PLCB1: variants seen among roughly 807,000 people sequenced by gnomAD.
PLCB1 encodes the protein phospholipase C beta 1, also known as 1-phosphatidylinositol 4,5-bisphosphate phosphodiesterase beta-1.
Under a neutral mutation model 161.8 loss-of-function variants are expected in PLCB1, and 46 were observed. That is an observed-to-expected ratio of 0.28 (90% CI 0.22 to 0.36). The LOEUF (loss-of-function observed/expected upper bound fraction) is 0.36, where lower values mean the gene tolerates loss of function less well. Ranked by LOEUF, PLCB1 falls within the 10% of genes least tolerant of loss-of-function variation. PLCB1 has a pLI of 1.00. For missense variants in PLCB1, 1,016 were observed against 1,472.5 expected (o/e 0.69, Z 5.07); for synonymous variants, 517 against 503.7 (o/e 1.03, Z -0.35).
At chr20:8,741,859 T>C (rs1375126206) in intron 23 of PLCB1, among the ~76,000 whole-genome samples, 1 of 152,252 alleles carries the variant, frequency 6.6e-6, no homozygotes, top group African/African-American at 2.4e-5. Flanking sequence ...CATGATTCCA[T>C]GCTAATTAAA....
chr20:8,595,971 G>T (rs1315860425), intron 3 of PLCB1, among the ~76,000 whole-genome samples: 2 of 116,100 alleles, frequency 1.7e-5, no homozygotes, highest in African/African-American at 6.0e-5. Context: ...TTGTAAATTT[G>T]TTTGAGTTCA....
intron 31 of PLCB1, among the ~76,000 whole-genome samples, chr20:8,828,308 CCCCATTGTAAAAGG>C (rs1985811269): frequency 1.3e-5 from 2 of 152,200 alleles, no homozygotes; most frequent in African/African-American, 2.4e-5. Flanking sequence ...TCACCATCTT[CCCCATTGTAAAAGG>C]CAAATTAAGT....
At chr20:8,880,388 C>T (rs1987930609) in intron 31 of PLCB1, among the ~76,000 whole-genome samples, 2 of 152,250 alleles carry the variant, frequency 1.3e-5, no homozygotes, top group African/African-American at 4.8e-5. Context: ...CGTAAGTCTC[C>T]ATTTGAAGAA....
intron 3 of PLCB1, among the ~76,000 whole-genome samples, chr20:8,619,351 G>A (rs1024616870): frequency 4.0e-5 from 6 of 151,888 alleles, no homozygotes; most frequent in Admixed American, 1.3e-4. Context: ...TCCGGGAGGC[G>A]GAGGTTGCAG....
At chr20:8,811,632 A>G (rs1984827137) in intron 31 of PLCB1, among the ~76,000 whole-genome samples, 1 of 152,240 alleles carries the variant, frequency 6.6e-6, no homozygotes, top group Non-Finnish European at 1.5e-5. Context: ...ATTATTCAGA[A>G]CAATAACAAT....
chr20:8,594,044 C>T (rs1987243591), intron 3 of PLCB1, among the ~76,000 whole-genome samples: 1 of 151,930 alleles, frequency 6.6e-6, no homozygotes, highest in Admixed American at 6.6e-5. Context: ...ACCACCATTC[C>T]CAGTTAATTT....
At chr20:8,441,472 T>G (rs891753424) in intron 3 of PLCB1, among the ~76,000 whole-genome samples, 1 of 152,242 alleles carries the variant, frequency 6.6e-6, no homozygotes, top group Non-Finnish European at 1.5e-5. Context: ...AAAGATAATC[T>G]GATCACAAAG....
At chr20:8,667,320 G>A (rs575814275) in intron 9 of PLCB1, among the ~76,000 whole-genome samples, 31 of 152,172 alleles carry the variant, frequency 2.0e-4, no homozygotes, top group African/African-American at 6.3e-4. Flanking sequence ...TGGCATTGTC[G>A]TCCCTGAGTG....
At chr20:8,216,642 A>T (rs1027623878) in intron 2 of PLCB1, among the ~76,000 whole-genome samples, 3 of 152,102 alleles carry the variant, frequency 2.0e-5, no homozygotes, top group Non-Finnish European at 2.9e-5. Context: ...TTTCCTGGGA[A>T]GTAGAAGATC....
intron 10 of PLCB1, among the ~76,000 whole-genome samples, chr20:8,695,591 A>G (rs577073978): frequency 6.6e-6 from 1 of 152,250 alleles, no homozygotes; most frequent in South Asian, 2.1e-4. Context: ...GGTCCCAGTT[A>G]CTTAGGAGGC....
intron 2 of PLCB1, among the ~76,000 whole-genome samples, chr20:8,217,104 C>T (rs1388512304): frequency 6.6e-6 from 1 of 152,120 alleles, no homozygotes; most frequent in African/African-American, 2.4e-5. Context: ...TGTTTTAAAC[C>T]CACTTTACTG....
chr20:8,770,513 G>A (rs1020863376), intron 26 of PLCB1, among the ~76,000 whole-genome samples: 5 of 152,172 alleles, frequency 3.3e-5, no homozygotes, highest in African/African-American at 1.2e-4. Context: ...ATGCGCCTGT[G>A]ACAGCCTCAG....
At chr20:8,476,759 C>T (rs572661569) in intron 3 of PLCB1, among the ~76,000 whole-genome samples, 8 of 152,164 alleles carry the variant, frequency 5.3e-5, no homozygotes, top group South Asian at 2.1e-4. Flanking sequence ...TCTGAATAGA[C>T]GGGCCTTGGA....
chr20:8,578,168 G>A (rs1986733036), intron 3 of PLCB1, among the ~76,000 whole-genome samples: 1 of 152,128 alleles, frequency 6.6e-6, no homozygotes, highest in South Asian at 2.1e-4. Context: ...TTTTGTGTGT[G>A]TCTTTCAGAC....
chr20:8,698,228 G>A (rs6056028), intron 11 of PLCB1, among the ~76,000 whole-genome samples: 11,509 of 152,094 alleles, frequency 0.076, 522 homozygotes, highest in African/African-American at 0.12. Flanking sequence ...AGAATGTCCC[G>A]TTTACCCTCA....
rs143420407 is a variant in PLCB1 at position 8,853,662 on chromosome 20, A to G, written c.3424-27960A>G. 1.4e-3 allele frequency among the ~76,000 whole-genome samples: 205 copies of G among 151,582 alleles called. 1 individual carries two copies. The highest frequency in any genetic ancestry group is 4.6e-3 in the African/African-American group (192 of 41,436). ...CTTCTATGAACACTTGTACTGGGGG[A>G]AAAAAAATGCCAGGGTTAAGGGTAA... On this transcript the variant is annotated intron_variant, in intron 31 of 31. Coordinates refer to ENST00000338037, the MANE Select transcript of PLCB1 (RefSeq NM_015192.4).
chr20:8,179,230 G>T (rs1367279325), intron 2 of PLCB1, among the ~76,000 whole-genome samples: 4 of 152,092 alleles, frequency 2.6e-5, no homozygotes, highest in African/African-American at 9.7e-5. Flanking sequence ...GGGCAGTATG[G>T]CCAGTTTATC....
At chr20:8,328,094 G>A (rs1482408809) in intron 2 of PLCB1, among the ~76,000 whole-genome samples, 4 of 151,926 alleles carry the variant, frequency 2.6e-5, no homozygotes, top group African/African-American at 4.8e-5. Flanking sequence ...ACATTATACT[G>A]GTTGAGAATC....
intron 3 of PLCB1, among the ~76,000 whole-genome samples, chr20:8,540,243 T>G (rs938466947): frequency 6.6e-6 from 1 of 152,166 alleles, no homozygotes. Context: ...GAATGAGCTA[T>G]TACTTGATAT....
Sources: allele counts gnomAD v4.1 joint callset (sites outside exome capture counted in the v4.1 genomes callset), GRCh38; gene constraint gnomAD v4.1.1; transcripts MANE v1.5; gene names NCBI Gene and HGNC (gene_info 2026-07-23, HGNC 2026-07-21).